RBFOX1: variants seen among roughly 807,000 people sequenced by gnomAD.
RBFOX1 encodes RNA binding protein fox-1 homolog 1.
RBFOX1 carries 8 observed loss-of-function variants against 57.7 expected under a neutral mutation model. That is an observed-to-expected ratio of 0.14 (90% CI 0.08 to 0.25). RBFOX1 has a LOEUF of 0.25. RBFOX1 is among the 10% of genes least tolerant of loss of function. RBFOX1 has a pLI of 1.00. For synonymous variants in RBFOX1, 326 were observed against 222.4 expected (o/e 1.47, Z -4.15); for missense variants, 611 against 548.5 (o/e 1.11, Z -1.14).
At chr16:6,852,339 C>G (rs1056598038) in intron 3 of RBFOX1, among the ~76,000 whole-genome samples, 3 of 152,046 alleles carry the variant, frequency 2.0e-5, no homozygotes, top group African/African-American at 7.2e-5. Context: ...GTAGGGCCCT[C>G]TGGATAATCC....
chr16:7,591,091 T>C (rs2094421692), intron 7 of RBFOX1, among the ~76,000 whole-genome samples: 2 of 152,080 alleles, frequency 1.3e-5, no homozygotes, highest in South Asian at 4.2e-4. Flanking sequence ...ACAGGCAGGC[T>C]GATATTGTGA....
intron 3 of RBFOX1, among the ~76,000 whole-genome samples, chr16:5,705,663 G>T (rs1567423119): frequency 6.6e-6 from 1 of 152,170 alleles, no homozygotes; most frequent in African/African-American, 2.4e-5. Context: ...GAGCAATGAG[G>T]AGAGAAAGAG....
At chr16:7,597,219 T>A in intron 8 of RBFOX1, 152 bp from the exon 9 acceptor site, 1 of 515,006 alleles carries the variant, frequency 1.9e-6, no homozygotes, top group Non-Finnish European at 3.4e-6. Flanking sequence ...ATGTATGATT[T>A]TGTTATGCAC....
chr16:7,434,865 G>A (rs2098709945), intron 4 of RBFOX1, among the ~76,000 whole-genome samples: 1 of 151,844 alleles, frequency 6.6e-6, no homozygotes, highest in Non-Finnish European at 1.5e-5. Flanking sequence ...TCAGCCTCCT[G>A]GGTAGATGGG....
intron 3 of RBFOX1, among the ~76,000 whole-genome samples, chr16:5,708,020 G>T (rs1186051210): frequency 1.3e-5 from 2 of 152,110 alleles, no homozygotes; most frequent in African/African-American, 2.4e-5. Flanking sequence ...TCACCACATG[G>T]TTAATTATTG....
At chr16:6,288,629 G>C (rs1476278769) in intron 1 of RBFOX1, among the ~76,000 whole-genome samples, 1 of 152,044 alleles carries the variant, frequency 6.6e-6, no homozygotes, top group Non-Finnish European at 1.5e-5. Flanking sequence ...TGCACTTCTG[G>C]GAAACTGCAA....
chr16:5,486,400 G>A (rs1407310173), intron 2 of RBFOX1, among the ~76,000 whole-genome samples: 3 of 152,182 alleles, frequency 2.0e-5, no homozygotes, highest in Non-Finnish European at 4.4e-5. Context: ...GGGGACCAAT[G>A]AAGACTTGCT....
intron 4 of RBFOX1, among the ~76,000 whole-genome samples, chr16:7,158,773 T>TA (rs1263805183): frequency 6.6e-6 from 1 of 152,054 alleles, no homozygotes; most frequent in Non-Finnish European, 1.5e-5. Flanking sequence ...CTGTGAGTAG[T>TA]GTGTGTGTCT....
intron 3 of RBFOX1, among the ~76,000 whole-genome samples, chr16:5,673,408 C>T (rs949057297): frequency 2.6e-5 from 4 of 151,858 alleles, no homozygotes; most frequent in Non-Finnish European, 1.5e-5. Context: ...GGGAACCCAT[C>T]CTGAAGGCTC....
intron 4 of RBFOX1, among the ~76,000 whole-genome samples, chr16:7,431,904 G>C (rs932066597): frequency 6.6e-6 from 1 of 152,214 alleles, no homozygotes; most frequent in Non-Finnish European, 1.5e-5. Flanking sequence ...CAGTTCACAG[G>C]AGGCAGGGGC....
At chr16:7,405,831 C>G (rs567277110) in intron 4 of RBFOX1, among the ~76,000 whole-genome samples, 1 of 152,110 alleles carries the variant, frequency 6.6e-6, no homozygotes, top group South Asian at 2.1e-4. Flanking sequence ...CTCTTCCATA[C>G]CTGGAGCATT....
intron 2 of RBFOX1, among the ~76,000 whole-genome samples, chr16:5,581,537 C>T (rs988808884): frequency 6.6e-6 from 1 of 152,148 alleles, no homozygotes; most frequent in African/African-American, 2.4e-5. Context: ...GGAAGTGTCA[C>T]AGGGCTAATG....
chr16:6,330,638 G>T (rs2082908411), intron 2 of RBFOX1, among the ~76,000 whole-genome samples: 1 of 152,222 alleles, frequency 6.6e-6, no homozygotes. Context: ...AGCCGCGAGA[G>T]ACACAGTGGG....
intron 3 of RBFOX1, among the ~76,000 whole-genome samples, chr16:6,721,466 G>C (rs2065982613): frequency 6.6e-6 from 1 of 152,060 alleles, no homozygotes. Context: ...ACAAAACCGT[G>C]TTAACCATTT....
In RBFOX1 at chr16:6,853,429, A is replaced by G. The variant is rs369310024; in HGVS notation, c.-15-198628A>G. On this transcript the variant is annotated intron_variant, in intron 3 of 15. Transcript: ENST00000550418. ...TTACTGATAGTGCCTGCCCCCAGCC[A>G]TTGGGCTTCCTGGTTTAAAAGGCAA... 7.2e-5 allele frequency among the ~76,000 whole-genome samples: 11 copies of G among 152,276 alleles called. 1 individual carries two copies. Among genetic ancestry groups the G allele is most frequent in the East Asian group, 1.9e-4 (1 of 5,178 alleles).
rs552440007 is a variant in RBFOX1 at position 6,864,892 on chromosome 16, C to T, written c.-15-187165C>T. The stretch of plus-strand genomic sequence containing the variant: ...TGGATACTCATCAAAACAAGAGGGG[C>T]GTTTTTGGTTTCTCTTTTTGCTGAT... On this transcript the variant is annotated intron_variant, in intron 3 of 15. Coordinates refer to ENST00000550418, the MANE Select transcript of RBFOX1 (RefSeq NM_018723.4). Among the ~76,000 whole-genome samples, 3 of 150,372 alleles carry T rather than the reference C, an allele frequency of 2.0e-5. No homozygotes were observed. In the South Asian group the frequency reaches 6.3e-4, roughly 32 times the overall value.
At chr16:5,879,317 A>G (rs1242383474) in intron 4 of RBFOX1, among the ~76,000 whole-genome samples, 3 of 152,178 alleles carry the variant, frequency 2.0e-5, no homozygotes, top group African/African-American at 4.8e-5. Context: ...CTCAGATCGT[A>G]TTTGGACTAG....
intron 3 of RBFOX1, among the ~76,000 whole-genome samples, chr16:5,670,502 AT>A (rs1326269526): frequency 6.6e-6 from 1 of 152,208 alleles, no homozygotes; most frequent in Non-Finnish European, 1.5e-5. Flanking sequence ...ATGGGAACAT[AT>A]GCCTTTGTCT....
chr16:5,461,026 T>G (rs1390902031), intron 1 of RBFOX1, among the ~76,000 whole-genome samples: 1 of 152,176 alleles, frequency 6.6e-6, no homozygotes, highest in Non-Finnish European at 1.5e-5. Context: ...AAATACTTCC[T>G]GTCTCATTTT....
Sources: gnomAD v4.1 joint callset for allele counts (sites outside exome capture counted in the v4.1 genomes callset) on GRCh38, gnomAD v4.1.1 for gene constraint, MANE v1.5 for transcripts, NCBI Gene and HGNC (gene_info 2026-07-23, HGNC 2026-07-21) for gene names.